Variants in SCAPER observed in about 807,000 individuals in gnomAD.
SCAPER encodes the protein S phase cyclin A-associated protein in the endoplasmic reticulum.
In SCAPER, 98 loss-of-function variants were observed where a neutral mutation model predicts 182.2. That is an observed-to-expected ratio of 0.54 (90% CI 0.46 to 0.64). SCAPER has a LOEUF of 0.64. Among genes scored for constraint, SCAPER ranks in the 30% least tolerant of loss-of-function variants. The pLI is 0.00. For missense variants in SCAPER, 1,432 were observed against 1,690.0 expected (o/e 0.85, Z 2.68); for synonymous variants, 605 against 564.6 (o/e 1.07, Z -1.01).
chr15:76,507,823 A>C (rs2041722510), intron 23 of SCAPER, among the ~76,000 whole-genome samples: 1 of 152,140 alleles, frequency 6.6e-6, no homozygotes, highest in African/African-American at 2.4e-5. Flanking sequence ...AACAATCAAA[A>C]CCTGCAAAAT....
At chr15:76,761,261 T>G (rs901267417) in intron 14 of SCAPER, among the ~76,000 whole-genome samples, 19 of 152,042 alleles carry the variant, frequency 1.2e-4, no homozygotes, top group Non-Finnish European at 2.6e-4. Context: ...AAGAGTTTGA[T>G]TTTTTTCTTT....
chr15:76,762,786 C>A (rs1235912178), intron 14 of SCAPER, among the ~76,000 whole-genome samples: 1 of 152,092 alleles, frequency 6.6e-6, no homozygotes, highest in Non-Finnish European at 1.5e-5. Flanking sequence ...GTAGCTGGGA[C>A]TACAGGTGCC....
intron 22 of SCAPER, among the ~76,000 whole-genome samples, chr15:76,609,935 C>T (rs546589313): frequency 2.6e-5 from 4 of 152,298 alleles, no homozygotes; most frequent in African/African-American, 9.6e-5. Context: ...TTGGGTTTTC[C>T]CATTTCACCA....
chr15:76,692,181 T>C (rs1162977904), intron 20 of SCAPER, among the ~76,000 whole-genome samples: 2 of 152,160 alleles, frequency 1.3e-5, no homozygotes, highest in East Asian at 3.9e-4. Context: ...GTTTTGTAAA[T>C]GTTCCTTATA....
At chr15:76,793,413 T>C (rs1163405670) in intron 8 of SCAPER, 1 of 575,606 alleles carries the variant, frequency 1.7e-6, no homozygotes, top group Non-Finnish European at 3.1e-6. Context: ...AAGGCAGTAT[T>C]AGAACACTGG....
At chr15:76,637,466 G>T (rs1023752734) in intron 21 of SCAPER, among the ~76,000 whole-genome samples, 3 of 151,862 alleles carry the variant, frequency 2.0e-5, no homozygotes, top group Middle Eastern at 6.8e-3. Context: ...TAACACTTTG[G>T]GCAGCCAAGA....
intron 20 of SCAPER, 75 bp downstream of exon 20, chr15:76,701,683 C>T (rs563718190): frequency 4.8e-5 from 54 of 1,131,532 alleles, no homozygotes; most frequent in Middle Eastern, 2.0e-4. Flanking sequence ...AATACAAACA[C>T]GGAATTCTTT....
At chr15:76,438,885 G>T (rs532419208) in intron 25 of SCAPER, among the ~76,000 whole-genome samples, 3 of 152,250 alleles carry the variant, frequency 2.0e-5, no homozygotes, top group South Asian at 4.1e-4. Flanking sequence ...TTCGGTAAAA[G>T]ATTTTTTGGT....
At chr15:76,793,391 A>G in intron 8 of SCAPER, 1 of 632,876 alleles carries the variant, frequency 1.6e-6, no homozygotes, top group Non-Finnish European at 2.9e-6. Flanking sequence ...GAAGCTGGTC[A>G]CTGGAAACAA....
At chr15:76,794,559 G>A (rs1036143039) in intron 8 of SCAPER, among the ~76,000 whole-genome samples, 2 of 152,186 alleles carry the variant, frequency 1.3e-5, no homozygotes, top group Admixed American at 6.5e-5. Flanking sequence ...CTTTTGTTAT[G>A]TGCAATAAAA....
At chr15:76,703,062 G>A (rs2147280641) in intron 18 of SCAPER, 60 bp from the exon 19 acceptor site, 10 of 1,475,796 alleles carry the variant, frequency 6.8e-6, no homozygotes, top group Non-Finnish European at 7.2e-6. Flanking sequence ...GTGAGAAATT[G>A]GAAAAATAAT....
chr15:76,567,202 C>T, intron 23 of SCAPER: 2 of 332,588 alleles, frequency 6.0e-6, no homozygotes, highest in Non-Finnish European at 1.2e-5. Flanking sequence ...GAGATATATC[C>T]ATATTGTTAT....
At chr15:76,823,347 C>T (rs1223735703) in intron 5 of SCAPER, among the ~76,000 whole-genome samples, 1 of 152,026 alleles carries the variant, frequency 6.6e-6, no homozygotes, top group Non-Finnish European at 1.5e-5. Flanking sequence ...GTAATCCCAG[C>T]TACTCGGGAG....
intron 25 of SCAPER, among the ~76,000 whole-genome samples, chr15:76,440,903 TCTGG>T (rs2142665475): frequency 7.0e-6 from 1 of 143,052 alleles, no homozygotes; most frequent in Non-Finnish European, 1.5e-5. Context: ...TTATTCCCCT[TCTGG>T]TTTTTTTTTT....
chr15:76,470,010 G>T (rs950322733), intron 25 of SCAPER, among the ~76,000 whole-genome samples: 1 of 151,612 alleles, frequency 6.6e-6, no homozygotes, highest in South Asian at 2.1e-4. Flanking sequence ...AGCCATTGTT[G>T]TACTGTGCAA....
chr15:76,551,114 C>T (rs377351379), intron 23 of SCAPER, among the ~76,000 whole-genome samples: 98 of 59,444 alleles, frequency 1.6e-3, no homozygotes, highest in African/African-American at 2.9e-3. Context: ...TTGGCAGGAA[C>T]ATAAATTAGT....
At chr15:76,743,701 C>G (rs1255493311) in intron 15 of SCAPER, among the ~76,000 whole-genome samples, 5 of 151,980 alleles carry the variant, frequency 3.3e-5, no homozygotes, top group Admixed American at 3.3e-4. Context: ...GAATCAGTAT[C>G]ATTAAAATCG....
At chr15:76,736,809 AG>A (rs1418761065) in intron 15 of SCAPER, 1 of 159,346 alleles carries the variant, frequency 6.3e-6, no homozygotes, top group African/African-American at 2.4e-5. Flanking sequence ...CTGATAGAGG[AG>A]GACTGGTCTT....
intron 25 of SCAPER, among the ~76,000 whole-genome samples, chr15:76,470,105 A>C (rs2050021410): frequency 6.6e-6 from 1 of 152,114 alleles, no homozygotes; most frequent in Non-Finnish European, 1.5e-5. Flanking sequence ...GGGCTTCATA[A>C]TTCCATTTCT....
Sources: gnomAD v4.1 joint callset for allele counts (sites outside exome capture counted in the v4.1 genomes callset) on GRCh38, gnomAD v4.1.1 for gene constraint, MANE v1.5 for transcripts, NCBI Gene and HGNC (gene_info 2026-07-23, HGNC 2026-07-21) for gene names.